SCUBE1: variants seen among roughly 807,000 people sequenced by gnomAD.
SCUBE1 encodes the protein signal peptide, CUB and EGF-like domain-containing protein 1.
Under a neutral mutation model 124.4 loss-of-function variants are expected in SCUBE1, and 59 were observed. That is an observed-to-expected ratio of 0.47 (90% CI 0.38 to 0.59). The LOEUF is 0.59. SCUBE1 is among the 20% of genes least tolerant of loss of function. SCUBE1 has a pLI of 0.00. For synonymous variants in SCUBE1, 545 were observed against 550.9 expected, an observed-to-expected ratio of 0.99 and a Z score of 0.15; for missense variants, 1,150 against 1,371.2, an observed-to-expected ratio of 0.84 and a Z score of 2.55.
intron 6 of SCUBE1, among the ~76,000 whole-genome samples, chr22:43,257,862 T>C (rs1923718476): frequency 6.6e-6 from 1 of 152,216 alleles, no homozygotes; most frequent in African/African-American, 2.4e-5. Flanking sequence ...ACAGAAGGTC[T>C]TAGGTGCATA....
intron 7 of SCUBE1, among the ~76,000 whole-genome samples, chr22:43,236,185 A>C (rs971262281): frequency 3.9e-5 from 6 of 152,282 alleles, no homozygotes; most frequent in Middle Eastern, 3.4e-3. Context: ...CCCTGGGGCC[A>C]GGGTCTTCAA....
intron 10 of SCUBE1, among the ~76,000 whole-genome samples, chr22:43,224,551 C>G (rs1163807367): frequency 6.6e-6 from 1 of 152,156 alleles, no homozygotes; most frequent in Non-Finnish European, 1.5e-5. Context: ...CAAGCTGGCC[C>G]CCAGGATCAA....
rs1433869896 is a variant in SCUBE1 at position 43,223,355 on chromosome 22, C to T, written c.1208-139G>A. On this transcript the variant is annotated intron_variant, in intron 10 of 21. Transcript: ENST00000360835. ...GCTGGGCTGGCTTGGTGGGAAGGCG[C>T]CTGGAGATCGCAGGTCCCTTGGGCG... 6.3e-6 allele frequency: 6 copies of T among 951,416 alleles called. No individual in the cohort carries two copies. In the Admixed American group the frequency reaches 9.3e-5, roughly 15 times the overall value. The allele number at this position is 951,416 out of a possible 1,614,324, so 58.9% of individuals were successfully genotyped here. A position where few individuals can be genotyped will look rare whatever the true frequency, so the allele number is the denominator to read the frequency against.
chr22:43,318,907 A>G, intron 3 of SCUBE1, among the ~76,000 whole-genome samples: 1 of 152,058 alleles, frequency 6.6e-6, no homozygotes, highest in East Asian at 1.9e-4. Context: ...TTTTTAGTAG[A>G]GACAGGGTTT....
chr22:43,305,722 C>T (rs971891414), intron 3 of SCUBE1, among the ~76,000 whole-genome samples: 3 of 152,090 alleles, frequency 2.0e-5, no homozygotes, highest in Non-Finnish European at 4.4e-5. Flanking sequence ...GGGTGGGTCC[C>T]AAATGACTCC....
In SCUBE1 at chr22:43,339,607, CACTCTATCCCCTACTCTCCTT is replaced by C. The variant is rs1374022104; in HGVS notation, c.89-393_89-373del. On this transcript the variant is annotated intron_variant, in intron 1 of 21. Transcript: ENST00000360835. ...CACTCCAGCCCTCCCCTACTCTCCT[CACTCTATCCCCTACTCTCCTT>C]ACTCTATCCCCCCACAAGCATCACT... 1.2e-3 allele frequency among the ~76,000 whole-genome samples: 171 copies of C among 147,360 alleles called. 1 individual carries two copies. Among genetic ancestry groups the C allele is most frequent in the African/African-American group, 4.0e-3 (150 of 37,840 alleles).
chr22:43,238,792 C>A, intron 7 of SCUBE1, 46 bp downstream of exon 7: 1 of 1,505,568 alleles, frequency 6.6e-7, no homozygotes, highest in East Asian at 2.3e-5. Context: ...AGGCTCTTGG[C>A]CAGGCCAGTA....
chr22:43,215,676 A>G (rs1382596008), intron 15 of SCUBE1, among the ~76,000 whole-genome samples: 1 of 152,090 alleles, frequency 6.6e-6, no homozygotes, highest in Non-Finnish European at 1.5e-5. Flanking sequence ...GGGAGCTCTG[A>G]GCGTTAGCCT....
intron 7 of SCUBE1, among the ~76,000 whole-genome samples, chr22:43,236,229 G>A (rs1303942656): frequency 6.6e-6 from 1 of 152,218 alleles, no homozygotes; most frequent in East Asian, 1.9e-4. Flanking sequence ...TGCCTCTCCA[G>A]CCAGGGCTGG....
intron 3 of SCUBE1, among the ~76,000 whole-genome samples, chr22:43,302,178 A>G (rs73424041): frequency 0.015 from 2,279 of 152,284 alleles, 69 homozygotes; most frequent in African/African-American, 0.053. Flanking sequence ...GCGATGGGGA[A>G]CCAGGTACCC....
At chr22:43,204,226 G>C in intron 21 of SCUBE1, 77 bp from the exon 22 acceptor site, 1 of 1,382,210 alleles carries the variant, frequency 7.2e-7, no homozygotes, top group Non-Finnish European at 1.0e-6. Context: ...GGCTGGGGGA[G>C]GGGAGAGAGA....
At chr22:43,223,380 G>A (rs753317290) in intron 10 of SCUBE1, among the ~76,000 whole-genome samples, 164 bp from the exon 11 acceptor site, 1 of 152,182 alleles carries the variant, frequency 6.6e-6, no homozygotes, top group African/African-American at 2.4e-5. Flanking sequence ...TCCCTTGGGC[G>A]TGTGGGGATG....
At chr22:43,277,431 G>C (rs376637043) in intron 4 of SCUBE1, among the ~76,000 whole-genome samples, 1 of 152,184 alleles carries the variant, frequency 6.6e-6, no homozygotes, top group African/African-American at 2.4e-5. Flanking sequence ...GGCAAAAGAC[G>C]GCAGCGCAGC....
chr22:43,281,530 C>CCTCCCTTCTCAGCCACCCTCCTGTCAT, intron 4 of SCUBE1, among the ~76,000 whole-genome samples: 1 of 81,830 alleles, frequency 1.2e-5, no homozygotes, highest in African/African-American at 6.7e-5. Context: ...CCTCCTGTCA[C>CCTCCCTTCTCAGCCACCCTCCTGTCAT]CTCCCTCAGT....
At chr22:43,335,224 A>T (rs982525009) in intron 2 of SCUBE1, among the ~76,000 whole-genome samples, 2 of 152,114 alleles carry the variant, frequency 1.3e-5, no homozygotes, top group East Asian at 3.9e-4. Context: ...CAGAGCCCCC[A>T]GTTGTCTCTC....
chr22:43,285,164 C>T (rs1247579923), intron 4 of SCUBE1, among the ~76,000 whole-genome samples: 2 of 152,166 alleles, frequency 1.3e-5, no homozygotes, highest in Non-Finnish European at 2.9e-5. Flanking sequence ...TGGGGGCTCT[C>T]ATCAATAGAG....
intron 2 of SCUBE1, among the ~76,000 whole-genome samples, chr22:43,325,933 T>G (rs1021863294): frequency 7.2e-6 from 1 of 138,028 alleles, no homozygotes; most frequent in Admixed American, 7.2e-5. Flanking sequence ...GGGTGAGGTG[T>G]TTTTTTTTTT....
intron 3 of SCUBE1, among the ~76,000 whole-genome samples, chr22:43,305,967 G>C (rs1299231030): frequency 6.6e-6 from 1 of 152,236 alleles, no homozygotes; most frequent in African/African-American, 2.4e-5. Flanking sequence ...GTGGGTGACA[G>C]GGAGGGGTGC....
chr22:43,244,546 AG>A (rs1225952895), intron 6 of SCUBE1, among the ~76,000 whole-genome samples: 1 of 152,250 alleles, frequency 6.6e-6, no homozygotes, highest in Non-Finnish European at 1.5e-5. Flanking sequence ...CGAGGTGGGC[AG>A]GACTGAAGGG....
Sources: gnomAD v4.1 joint callset for allele counts (sites outside exome capture counted in the v4.1 genomes callset) on GRCh38, gnomAD v4.1.1 for gene constraint, MANE v1.5 for transcripts, NCBI Gene and HGNC (gene_info 2026-07-23, HGNC 2026-07-21) for gene names.